Variants in EXOC2 observed in about 807,000 individuals in gnomAD.
EXOC2 encodes exocyst complex component 2, also known as SEC5-like 1.
EXOC2 carries 70 observed loss-of-function variants against 131.8 expected under a neutral mutation model. The observed-to-expected ratio is 0.53, with a 90% confidence interval of 0.44 to 0.65. The LOEUF (loss-of-function observed/expected upper bound fraction) is 0.65. EXOC2 is among the 30% of genes least tolerant of loss of function. The probability of loss-of-function intolerance (pLI) is 0.00; values close to 1 mark genes in which losing one functional copy is unlikely to be tolerated. For synonymous variants in EXOC2, 411 were observed against 398.4 expected, an observed-to-expected ratio of 1.03 and a Z score of -0.38; for missense variants, 923 against 1,108.6, an observed-to-expected ratio of 0.83 and a Z score of 2.38.
chr6:526,576 G>A (rs1203312645), intron 23 of EXOC2, among the ~76,000 whole-genome samples: 2 of 151,684 alleles, frequency 1.3e-5, no homozygotes, highest in Non-Finnish European at 2.9e-5. Flanking sequence ...GAGTAGCTGG[G>A]ATGACAGGAA....
At chr6:657,513 A>T (rs915496256) in intron 1 of EXOC2, among the ~76,000 whole-genome samples, 1 of 152,248 alleles carries the variant, frequency 6.6e-6, no homozygotes, top group Non-Finnish European at 1.5e-5. Context: ...GTTATAACAC[A>T]AATGACATTT....
rs200841567 is a variant in EXOC2, at chr6:553,928, T to C, written c.2055-8A>G. ...GAAACATCAACAGAGAGACTGAACA[T>C]AGAAGCAAGTAGGAACAGTTACAAA... is the stretch of plus-strand genomic sequence containing the variant. On this transcript the variant is annotated splice_polypyrimidine_tract_variant and splice_region_variant and intron_variant, in intron 20 of 27. Coordinates refer to ENST00000230449, the MANE Select transcript of EXOC2 (RefSeq NM_018303.6). 3.5e-5 allele frequency: 56 copies of C among 1,611,098 alleles called. No homozygotes were observed. The East Asian group carries it at 8.9e-4, about 26-fold the overall frequency.
chr6:532,089 A>C (rs2473481), intron 23 of EXOC2, among the ~76,000 whole-genome samples: 46,326 of 152,030 alleles, frequency 0.3, 8,458 homozygotes, highest in African/African-American at 0.51. Flanking sequence ...TCTTACATAG[A>C]AGTGACCAGA....
intron 1 of EXOC2, among the ~76,000 whole-genome samples, chr6:641,536 C>T (rs1374245056): frequency 1.3e-5 from 2 of 152,068 alleles, no homozygotes; most frequent in African/African-American, 2.4e-5. Flanking sequence ...AGGTTCAGTC[C>T]AACACGACTT....
intron 1 of EXOC2, among the ~76,000 whole-genome samples, chr6:647,683 C>G (rs1762639463): frequency 7.1e-6 from 1 of 141,046 alleles, no homozygotes; most frequent in South Asian, 2.6e-4. Context: ...TGAAACATAA[C>G]TGCAATTAGA....
At chr6:675,601 C>T (rs1395255331) in intron 1 of EXOC2, among the ~76,000 whole-genome samples, 2 of 37,442 alleles carry the variant, frequency 5.3e-5, no homozygotes, top group African/African-American at 1.3e-4. Flanking sequence ...CTGGCAACTG[C>T]GGTTCCCCAT....
intron 1 of EXOC2, among the ~76,000 whole-genome samples, chr6:667,860 CCCATCCATCCATCCATCCATCCATCCAT>C (rs200385451): frequency 3.5e-5 from 4 of 114,100 alleles, no homozygotes; most frequent in South Asian, 3.3e-4. Flanking sequence ...TAAATCCCCT[CCCATCCATCCATCCATCCATCCATCCAT>C]CCATCCATCC....
chr6:501,793 C>T (rs917067474), intron 23 of EXOC2, among the ~76,000 whole-genome samples: 6 of 148,480 alleles, frequency 4.0e-5, no homozygotes, highest in African/African-American at 1.5e-4. Context: ...GCTGAGATGG[C>T]TGAGTGAAGA....
At position 486,774 on chromosome 6, in the gene EXOC2, G is replaced by A. The variant is rs777644881; in HGVS notation, c.2682-10C>T. 186 of 1,610,902 alleles carry A rather than the reference G, an allele frequency of 1.2e-4. No individual in the cohort carries two copies. The highest frequency in any genetic ancestry group is 3.3e-4 in the Middle Eastern group (2 of 6,026). On this transcript the variant is annotated splice_polypyrimidine_tract_variant and intron_variant, in intron 27 of 27. Transcript: ENST00000230449. ...GAGCTCTTCCAGTAACCTGCAGGACGGAGACACTTGTTTTACAGCCCGACA... is the reference window on the plus strand; with the variant it reads ...GAGCTCTTCCAGTAACCTGCAGGACAGAGACACTTGTTTTACAGCCCGACA...
chr6:640,882 G>C (rs1762322185), intron 1 of EXOC2, among the ~76,000 whole-genome samples: 1 of 82,702 alleles, frequency 1.2e-5, no homozygotes, highest in African/African-American at 3.6e-5. Context: ...CTAACAGCAG[G>C]TACAGAAAAA....
intron 13 of EXOC2, among the ~76,000 whole-genome samples, chr6:569,045 A>G (rs1038352768): frequency 2.6e-5 from 4 of 152,216 alleles, no homozygotes; most frequent in Non-Finnish European, 5.9e-5. Flanking sequence ...TATCTCCAAC[A>G]CAATGGATTA....
At chr6:674,145 A>C (rs1285732323) in intron 1 of EXOC2, among the ~76,000 whole-genome samples, 1 of 152,224 alleles carries the variant, frequency 6.6e-6, no homozygotes, top group African/African-American at 2.4e-5. Context: ...TACCAACTTG[A>C]TCATAATTCT....
At chr6:593,967 G>A (rs3823128) in intron 10 of EXOC2, among the ~76,000 whole-genome samples, 14,184 of 152,258 alleles carry the variant, frequency 0.093, 1,167 homozygotes, top group African/African-American at 0.22. Flanking sequence ...GGTGCTGTGG[G>A]GAGCCGGATA....
At chr6:673,035 A>G (rs752333664) in intron 1 of EXOC2, among the ~76,000 whole-genome samples, 3 of 151,966 alleles carry the variant, frequency 2.0e-5, no homozygotes, top group Non-Finnish European at 2.9e-5. Flanking sequence ...CAAGGCGGGC[A>G]GATCACTTGA....
At chr6:575,456 A>ACTCCCTCTCCCTCCTCTCCCTCG (rs1561876643) in intron 12 of EXOC2, among the ~76,000 whole-genome samples, 4 of 97,686 alleles carry the variant, frequency 4.1e-5, no homozygotes, top group Admixed American at 2.4e-4. Flanking sequence ...CCTCTCCCTC[A>ACTCCCTCTCCCTCCTCTCCCTCG]CTCCCTCTCC....
At chr6:513,175 A>G (rs7760561) in intron 23 of EXOC2, among the ~76,000 whole-genome samples, 8,842 of 152,258 alleles carry the variant, frequency 0.058, 598 homozygotes, top group East Asian at 0.27. Flanking sequence ...GAACTGGGTC[A>G]CTGCATGTGT....
intron 1 of EXOC2, among the ~76,000 whole-genome samples, chr6:688,910 T>C (rs1411474153): frequency 6.6e-6 from 1 of 152,174 alleles, no homozygotes; most frequent in Non-Finnish European, 1.5e-5. Flanking sequence ...TATAATACAA[T>C]GAAAGTTAAA....
At chr6:504,889 T>C (rs1764439829) in intron 23 of EXOC2, among the ~76,000 whole-genome samples, 1 of 152,180 alleles carries the variant, frequency 6.6e-6, no homozygotes, top group Non-Finnish European at 1.5e-5. Context: ...GAGGAGCATC[T>C]TGCCAATTCT....
intron 26 of EXOC2, 32 bp from the exon 27 acceptor site, chr6:489,070 G>A: frequency 6.2e-7 from 1 of 1,610,120 alleles, no homozygotes; most frequent in Non-Finnish European, 8.5e-7. Context: ...TGAAGTTGAA[G>A]CCTTGCACAG....
Sources: allele counts gnomAD v4.1 joint callset (sites outside exome capture counted in the v4.1 genomes callset), GRCh38; gene constraint gnomAD v4.1.1; transcripts MANE v1.5; gene names NCBI Gene and HGNC (gene_info 2026-07-23, HGNC 2026-07-21).